The following DNAJC1 variants were observed in gnomAD, a reference collection of about 807,000 sequenced individuals.
The protein encoded by DNAJC1 is DnaJ heat shock protein family (Hsp40) member C1.
In DNAJC1, 58 loss-of-function variants were observed where a neutral mutation model predicts 76.6. The ratio of observed to expected loss-of-function variants is 0.76; its 90% CI spans 0.61 to 0.94. DNAJC1 has a LOEUF of 0.94. Ranked by LOEUF, DNAJC1 falls within the 40% of genes least tolerant of loss-of-function variation. The pLI is 0.00. For missense variants in DNAJC1, 689 were observed against 677.3 expected, an observed-to-expected ratio of 1.02 and a Z score of -0.19; for synonymous variants, 258 against 267.9, an observed-to-expected ratio of 0.96 and a Z score of 0.36.
chr10:21,769,106 T>A (rs897968673), intron 9 of DNAJC1, among the ~76,000 whole-genome samples: 1 of 152,198 alleles, frequency 6.6e-6, no homozygotes, highest in African/African-American at 2.4e-5. Context: ...ATAGAAGTGT[T>A]CCTCAACATT....
chr10:21,999,291 A>G (rs542717581), intron 1 of DNAJC1, among the ~76,000 whole-genome samples: 201 of 152,234 alleles, frequency 1.3e-3, no homozygotes, highest in Non-Finnish European at 2.4e-3. Flanking sequence ...CTCAAAGCTC[A>G]TCTTATTTGA....
At chr10:21,936,256 G>A (rs746937501) in intron 1 of DNAJC1, among the ~76,000 whole-genome samples, 1 of 152,142 alleles carries the variant, frequency 6.6e-6, no homozygotes, top group Non-Finnish European at 1.5e-5. Context: ...ACCAGACAGT[G>A]AATATGTTGT....
intron 9 of DNAJC1, among the ~76,000 whole-genome samples, chr10:21,786,449 TATATATATATATATAGAGAGAGAG>T (rs1263588969): frequency 9.0e-4 from 97 of 107,736 alleles, no homozygotes; most frequent in African/African-American, 3.4e-3. Context: ...TATATATATA[TATATATATATATATAGAGAGAGAG>T]AGAGAGAGAG....
At chr10:21,955,836 T>G (rs1459866045) in intron 1 of DNAJC1, among the ~76,000 whole-genome samples, 1 of 152,234 alleles carries the variant, frequency 6.6e-6, no homozygotes, top group Non-Finnish European at 1.5e-5. Flanking sequence ...CTCTCCCACA[T>G]GCTAACATAG....
intron 1 of DNAJC1, among the ~76,000 whole-genome samples, chr10:21,983,708 G>A (rs574762318): frequency 1.9e-4 from 26 of 136,166 alleles, no homozygotes; most frequent in African/African-American, 6.2e-4. Context: ...GCAACAGAGC[G>A]AGATTCTGTC....
chr10:21,763,449 G>A (rs990376230), intron 10 of DNAJC1, among the ~76,000 whole-genome samples: 4 of 151,940 alleles, frequency 2.6e-5, no homozygotes, highest in African/African-American at 9.7e-5. Flanking sequence ...AGACGTGTAC[G>A]CCCTCACACT....
Position 21,949,109 on chromosome 10 carries a change from CAAACAA to C in DNAJC1, c.223-19974_223-19969del, listed in dbSNP as rs1157175078. Among the ~76,000 whole-genome samples, 4 of 151,678 alleles carry C rather than the reference CAAACAA, an allele frequency of 2.6e-5. No individual in the cohort carries two copies. In the East Asian group the frequency reaches 7.7e-4, roughly 29 times the overall value. On this transcript the variant is annotated intron_variant, in intron 1 of 11. Coordinates refer to ENST00000376980, the MANE Select transcript of DNAJC1 (RefSeq NM_022365.4). Reference sequence around the variant, plus strand: ...TGTTTTCTGACTAATGCAAAACAAACAAACAAAAACAGGAAAAAAAGTAAGATTCCA... The same window carrying C: ...TGTTTTCTGACTAATGCAAAACAAACAAACAGGAAAAAAAGTAAGATTCCA...
chr10:21,761,133 C>T (rs1834235363), intron 10 of DNAJC1, among the ~76,000 whole-genome samples: 1 of 152,114 alleles, frequency 6.6e-6, no homozygotes, highest in Non-Finnish European at 1.5e-5. Flanking sequence ...TGAGCCAAGA[C>T]TGTGCCACTG....
intron 8 of DNAJC1, among the ~76,000 whole-genome samples, chr10:21,808,042 G>A (rs993785058): frequency 6.6e-6 from 1 of 152,078 alleles, no homozygotes; most frequent in Non-Finnish European, 1.5e-5. Flanking sequence ...TAAGTTTTAG[G>A]CAGAATTTAA....
chr10:21,974,705 C>T (rs1464958430), intron 1 of DNAJC1, among the ~76,000 whole-genome samples: 1 of 152,042 alleles, frequency 6.6e-6, no homozygotes, highest in Admixed American at 6.6e-5. Flanking sequence ...AAACCTGTAG[C>T]AATATATACA....
At chr10:21,961,826 T>A (rs1837796815) in intron 1 of DNAJC1, among the ~76,000 whole-genome samples, 1 of 152,194 alleles carries the variant, frequency 6.6e-6, no homozygotes, top group Admixed American at 6.6e-5. Flanking sequence ...CTGAAGTCAC[T>A]GGGACCTGAC....
intron 8 of DNAJC1, among the ~76,000 whole-genome samples, chr10:21,878,848 G>A (rs1836226449): frequency 6.6e-6 from 1 of 151,912 alleles, no homozygotes; most frequent in African/African-American, 2.4e-5. Flanking sequence ...GCATGCACAA[G>A]ACTGTTCACA....
intron 8 of DNAJC1, among the ~76,000 whole-genome samples, chr10:21,839,675 A>C (rs1775784923): frequency 6.6e-6 from 1 of 152,246 alleles, no homozygotes; most frequent in Non-Finnish European, 1.5e-5. Flanking sequence ...CAGAGGTACA[A>C]GGAGGAGCTG....
intron 3 of DNAJC1, among the ~76,000 whole-genome samples, chr10:21,925,018 G>T (rs1364274421): frequency 6.6e-6 from 1 of 151,902 alleles, no homozygotes; most frequent in African/African-American, 2.4e-5. Context: ...TTAGAGATGG[G>T]GTCTCACTCT....
chr10:21,980,336 T>C (rs1838135296), intron 1 of DNAJC1, among the ~76,000 whole-genome samples: 1 of 152,126 alleles, frequency 6.6e-6, no homozygotes, highest in South Asian at 2.1e-4. Context: ...TAACATCATC[T>C]GTGATGAGAT....
At chr10:21,838,732 G>C (rs1288552585) in intron 8 of DNAJC1, among the ~76,000 whole-genome samples, 2 of 152,148 alleles carry the variant, frequency 1.3e-5, no homozygotes, top group African/African-American at 4.8e-5. Flanking sequence ...ATTGAACTCA[G>C]CTCTTCAACA....
At chr10:21,920,988 T>TC in intron 3 of DNAJC1, 25 bp from the exon 4 acceptor site, 1 of 1,502,316 alleles carries the variant, frequency 6.7e-7, no homozygotes, top group Non-Finnish European at 8.9e-7. Flanking sequence ...TAACAGTTTT[T>TC]CACGGGGAGT....
intron 1 of DNAJC1, among the ~76,000 whole-genome samples, chr10:21,968,004 C>T (rs1837919536): frequency 6.6e-6 from 1 of 152,204 alleles, no homozygotes; most frequent in Admixed American, 6.5e-5. Flanking sequence ...GTCACTTAGT[C>T]TCAAGTTTCT....
At chr10:21,771,506 TTTTTTTTTTTGAGACGCAGTC>T (rs1268980278) in intron 9 of DNAJC1, among the ~76,000 whole-genome samples, 1 of 148,026 alleles carries the variant, frequency 6.8e-6, no homozygotes, top group Non-Finnish European at 1.5e-5. Flanking sequence ...GTCAAACACT[TTTTTTTTTTTGAGACGCAGTC>T]TCGCTCTGTT....
Sources: allele counts gnomAD v4.1 joint callset (sites outside exome capture counted in the v4.1 genomes callset), GRCh38; gene constraint gnomAD v4.1.1; transcripts MANE v1.5; gene names NCBI Gene and HGNC (gene_info 2026-07-23, HGNC 2026-07-21).